Variants in MACF1 observed in about 807,000 individuals in gnomAD.
MACF1 encodes the protein microtubule actin crosslinking factor 1, also known as microtubule-actin cross-linking factor 1.
MACF1 carries 193 observed loss-of-function variants against 854.8 expected under a neutral mutation model. That is an observed-to-expected ratio of 0.23 (90% CI 0.20 to 0.25). The LOEUF (loss-of-function observed/expected upper bound fraction) is 0.25. Ranked by LOEUF, MACF1 falls within the 10% of genes least tolerant of loss-of-function variation. The pLI, the probability that MACF1 is intolerant of heterozygous loss-of-function variation, is 1.00. For missense variants in MACF1, 7,722 were observed against 8,929.1 expected (o/e 0.86, Z 5.45); for synonymous variants, 3,185 against 3,226.7 (o/e 0.99, Z 0.44).
In MACF1 at chr1:39,101,942, C is replaced by T. The variant is rs11205640; in HGVS notation, c.220+17504C>T. Among the ~76,000 whole-genome samples, 792 of 151,656 alleles carry T rather than the reference C, an allele frequency of 5.2e-3. 4 individuals carry two copies. Among genetic ancestry groups the T allele is most frequent in the African/African-American group, 0.019 (773 of 41,366 alleles). The stretch of plus-strand genomic sequence containing the variant: ...CTGTAATCCCAGCACTTTGGAAGGC[C>T]GATGCGGGCGGATCACGAGGTCAGG... On this transcript the variant is annotated intron_variant, in intron 2 of 93. Transcript: ENST00000361689.
chr1:39,250,443 G>C (rs1645028556), intron 3 of MACF1, among the ~76,000 whole-genome samples: 1 of 151,916 alleles, frequency 6.6e-6, no homozygotes. Context: ...TTTTGAATTA[G>C]GTGTATTTTT....
chr1:39,338,261 T>A (rs201822276), intron 38 of MACF1, among the ~76,000 whole-genome samples: 1 of 5,062 alleles, frequency 2.0e-4, no homozygotes, highest in Non-Finnish European at 6.3e-3. Flanking sequence ...TTTTGGGTTG[T>A]TTTTTTTTTT....
At chr1:39,202,409 G>C (rs1019724748), upstream of MACF1, among the ~76,000 whole-genome samples, 1 of 151,640 alleles carries the variant, frequency 6.6e-6, no homozygotes. Flanking sequence ...GGCCAAGGCA[G>C]TTGGATCACG....
chr1:39,247,339 G>A (rs552775749), intron 2 of MACF1, among the ~76,000 whole-genome samples: 9 of 152,138 alleles, frequency 5.9e-5, no homozygotes, highest in African/African-American at 1.9e-4. Context: ...CCAAAGTGCT[G>A]GGATTACAGG....
intron 2 of MACF1, among the ~76,000 whole-genome samples, chr1:39,107,230 T>G (rs1642267732): frequency 6.6e-6 from 1 of 152,068 alleles, no homozygotes; most frequent in African/African-American, 2.4e-5. Flanking sequence ...ATGGTAGTAC[T>G]GGTGACCTCC....
intron 5 of MACF1, among the ~76,000 whole-genome samples, chr1:39,257,022 A>C (rs1449527486): frequency 6.6e-6 from 1 of 152,144 alleles, no homozygotes; most frequent in Non-Finnish European, 1.5e-5. Context: ...TACTCTGATG[A>C]CTTCTTATAA....
chr1:39,084,587 G>A lies in MACF1; in HGVS notation c.220+149G>A. On this transcript the variant is annotated intron_variant, in intron 2 of 93. Transcript: ENST00000361689. This position sits in a 1 kb window ranked among gnomAD's most constrained non-coding sequence, Gnocchi z 5.2. ...GATTTGTTATTATTATTCTTGGAAA[G>A]ACGTTGAAATAACATTAACGAAAAA... 1 of 720,524 alleles carries A rather than the reference G, an allele frequency of 1.4e-6. No individual in the cohort carries two copies. Among genetic ancestry groups the A allele is most frequent in the South Asian group, 1.9e-5 (1 of 52,772 alleles). 44.6% of individuals were successfully genotyped at this position (720,524 alleles called of 1,614,324 possible). A position where few individuals can be genotyped will look rare whatever the true frequency, so the allele number is the denominator to read the frequency against.
chr1:39,256,098 A>G (rs1219049136), intron 5 of MACF1, among the ~76,000 whole-genome samples: 1 of 152,206 alleles, frequency 6.6e-6, no homozygotes, highest in African/African-American at 2.4e-5. Flanking sequence ...ATAGTGTAAT[A>G]TTTGGGATAT....
intron 2 of MACF1, among the ~76,000 whole-genome samples, chr1:39,143,169 A>C (rs967864532): frequency 4.6e-5 from 7 of 152,128 alleles, no homozygotes; most frequent in Admixed American, 4.6e-4. Context: ...TAACCCTTGA[A>C]TTTTTATTCT....
chr1:39,314,731 A>G lies in MACF1; in HGVS notation c.3271-782A>G, dbSNP rs561347283. On this transcript the variant is annotated intron_variant, in intron 26 of 100. Coordinates refer to ENST00000564288, the MANE Select transcript of MACF1 (RefSeq NM_001394062.1). ...GAAAAACCTGCTTTATGTTATCCACAGTATATTTACTTATTGTTCAGTCCT... is the reference window on the plus strand; with the variant it reads ...GAAAAACCTGCTTTATGTTATCCACGGTATATTTACTTATTGTTCAGTCCT... Among the ~76,000 whole-genome samples the G allele has an allele frequency of 1.0e-3, 159 of 152,254 alleles. 1 individual carries two copies. Among genetic ancestry groups the G allele is most frequent in the Non-Finnish European group, 1.9e-3 (132 of 68,012 alleles).
chr1:39,136,688 G>A (rs144633993), intron 2 of MACF1, among the ~76,000 whole-genome samples: 15 of 152,134 alleles, frequency 9.9e-5, no homozygotes, highest in African/African-American at 3.1e-4. Context: ...TATGCTGTCA[G>A]CATAATAAAA....
At chr1:39,288,614 A>G (rs922129513) in intron 15 of MACF1, among the ~76,000 whole-genome samples, 2 of 152,136 alleles carry the variant, frequency 1.3e-5, no homozygotes, top group East Asian at 3.9e-4. Flanking sequence ...AGTCTGGGCA[A>G]CATGCGAAAT....
intron 2 of MACF1, among the ~76,000 whole-genome samples, chr1:39,106,093 C>T (rs993756412): frequency 6.6e-6 from 1 of 152,086 alleles, no homozygotes; most frequent in Non-Finnish European, 1.5e-5. Flanking sequence ...TGCGAGCTTC[C>T]TCCCAGAGGG....
intron 97 of MACF1, among the ~76,000 whole-genome samples, chr1:39,475,551 C>G (rs1168443791): frequency 6.6e-6 from 1 of 151,716 alleles, no homozygotes; most frequent in Non-Finnish European, 1.5e-5. Flanking sequence ...ACAAGGAGAC[C>G]AGTAGGAAGG....
At chr1:39,201,838 T>C (rs554864203), upstream of MACF1, among the ~76,000 whole-genome samples, 33 of 152,186 alleles carry the variant, frequency 2.2e-4, 1 homozygote, top group African/African-American at 7.9e-4. Context: ...GGTCCAGCCA[T>C]TCTAGGTTCT....
chr1:39,357,242 C>A, intron 44 of MACF1, 133 bp from the exon 45 acceptor site: 2 of 940,752 alleles, frequency 2.1e-6, no homozygotes, highest in South Asian at 3.3e-5. Context: ...GACTTGACAG[C>A]AATGTGGGTG....
At chr1:39,478,026 G>A (rs559392090) in intron 97 of MACF1, among the ~76,000 whole-genome samples, 3 of 105,532 alleles carry the variant, frequency 2.8e-5, no homozygotes, top group South Asian at 6.1e-4. Flanking sequence ...TTTTTGAGAT[G>A]GGGTCTCACT....
intron 63 of MACF1, 102 bp downstream of exon 63, chr1:39,428,389 C>T (rs1324164936): frequency 1.7e-6 from 2 of 1,163,354 alleles, no homozygotes; most frequent in South Asian, 1.6e-5. Flanking sequence ...ACAAACACTT[C>T]AACTTTATTT....
rs761278135 is a variant in MACF1, at chr1:39,316,483, T to C, written c.3542T>C (p.Val1181Ala). ...ATTAAGCTGAGTCAAGAAGAAGTAG[T>C]ACTGGCAGATCTCTCAGCTCTGGAG... Reference protein sequence around the residue: ...YEIKLSQEEVVLADLSALEAH... With the variant: ...YEIKLSQEEVALADLSALEAH... Residue 1181 changes from valine (V) to alanine (A), a missense_variant, in exon 28 of 101, where the codon GTA becomes GCA. Physicochemically the swap from Val to Ala is moderately conservative, Grantham distance 64. This residue lies in a region of MACF1 where 1,137 missense variants were observed against 1,263.0 expected (regional missense o/e 0.90). Coordinates refer to ENST00000564288, the MANE Select transcript of MACF1 (RefSeq NM_001394062.1). The C allele has an allele frequency of 6.2e-7, 1 of 1,613,954 alleles. No homozygotes were observed.
Sources: gnomAD v4.1 joint callset for allele counts (sites outside exome capture counted in the v4.1 genomes callset) on GRCh38, gnomAD v4.1.1 for gene constraint, gnomAD v4.1.1 regional missense constraint, Gnocchi (gnomAD v3.1) non-coding constraint, MANE v1.5 for transcripts, NCBI Gene and HGNC (gene_info 2026-07-23, HGNC 2026-07-21) for gene names.